The following RRBP1 variants were observed in gnomAD, a reference collection of about 807,000 sequenced individuals.
The protein encoded by RRBP1 is ribosome binding protein 1.
Under a neutral mutation model 165.2 loss-of-function variants are expected in RRBP1, and 94 were observed. The observed-to-expected ratio is 0.57, with a 90% CI of 0.48 to 0.68. The LOEUF (loss-of-function observed/expected upper bound fraction) is 0.68, where lower values mean the gene tolerates loss of function less well. RRBP1 is among the 30% of genes least tolerant of loss of function. The probability of loss-of-function intolerance (pLI) is 0.00; values close to 1 mark genes in which losing one functional copy is unlikely to be tolerated. For missense variants in RRBP1, 1,676 were observed against 1,763.0 expected, an observed-to-expected ratio of 0.95 and a Z score of 0.88; for synonymous variants, 680 against 714.5, an observed-to-expected ratio of 0.95 and a Z score of 0.77.
intron 8 of RRBP1, among the ~76,000 whole-genome samples, chr20:17,630,323 G>A (rs2036124127): frequency 6.6e-6 from 1 of 152,194 alleles, no homozygotes; most frequent in African/African-American, 2.4e-5. Flanking sequence ...TCCTCTCCCA[G>A]GGGCGGACAG....
At chr20:17,619,537 C>T (rs919947714) in intron 19 of RRBP1, 96 bp downstream of exon 19, 2 of 842,140 alleles carry the variant, frequency 2.4e-6, no homozygotes, top group African/African-American at 3.4e-5. Context: ...AGGCTTATGT[C>T]ACCGAGAGCT....
chr20:17,619,545 G>A (rs932626054), intron 19 of RRBP1, 88 bp downstream of exon 19: 3 of 921,494 alleles, frequency 3.3e-6, no homozygotes, highest in Non-Finnish European at 4.8e-6. Context: ...GTCACCGAGA[G>A]CTGCTCCCAC....
rs1328825621 is a variant in RRBP1 at position 17,643,924 on chromosome 20, A to G, written c.1913-797T>C. Among the ~76,000 whole-genome samples the G allele has an allele frequency of 1.3e-5, 2 of 152,174 alleles. No homozygotes were observed. Among genetic ancestry groups the G allele is most frequent in the Non-Finnish European group, 2.9e-5 (2 of 68,038 alleles). On this transcript the variant is annotated intron_variant, in intron 3 of 24. Coordinates refer to ENST00000377813, the MANE Select transcript of RRBP1 (RefSeq NM_001365613.2). The surrounding 1 kb of genome is among the most constrained non-coding windows in gnomAD (Gnocchi z 4.3). ...GGGGCTTGAATGCAGCCTCGGAAGC[A>G]AGAAAGGGTGAACCAAGATGCCACG...
chr20:17,627,707 A>G, intron 9 of RRBP1, 25 bp from the exon 10 acceptor site: 1 of 1,549,260 alleles, frequency 6.5e-7, no homozygotes, highest in Non-Finnish European at 8.7e-7. Context: ...GGGAAACGAG[A>G]AGTTAAGAGA....
intron 1 of RRBP1, among the ~76,000 whole-genome samples, chr20:17,681,092 CGGCCG>C (rs932164468): frequency 6.6e-6 from 1 of 151,676 alleles, no homozygotes; most frequent in African/African-American, 2.4e-5. Flanking sequence ...GCGGGAGAGC[CGGCCG>C]GGCCGGGGCG....
Position 17,621,912 on chromosome 20 carries a change from C to T in RRBP1, c.3183G>A (p.Ala1061=), listed in dbSNP as rs375100744. The T allele has an allele frequency of 1.5e-5, 25 of 1,613,574 alleles. No individual in the cohort carries two copies. The highest frequency in any genetic ancestry group is 2.7e-5 in the African/African-American group (2 of 74,872). Reference sequence around the variant, plus strand: ...GAGCCAGCAGGGCCTCCATGGTCTGCGCCTCAATCAGACAGAGCTGCTTCT... The same window carrying T: ...GAGCCAGCAGGGCCTCCATGGTCTGTGCCTCAATCAGACAGAGCTGCTTCT... ...ESEKQLCLIE[A]QTMEALLALL... Residue 1061 remains alanine (A), a synonymous_variant, in exon 14 of 25, where the codon GCG becomes GCA. Transcript: ENST00000377813.
At chr20:17,660,584 C>T in intron 2 of RRBP1, 56 bp from the exon 3 acceptor site, 1 of 1,022,026 alleles carries the variant, frequency 9.8e-7, no homozygotes, top group Non-Finnish European at 1.5e-6. Flanking sequence ...TCAACAGTTT[C>T]TATCCCCACC....
At chr20:17,635,275 C>T (rs1291394600) in intron 7 of RRBP1, among the ~76,000 whole-genome samples, 1 of 152,212 alleles carries the variant, frequency 6.6e-6, no homozygotes, top group African/African-American at 2.4e-5. Context: ...TCCCTAGTAC[C>T]AGTGCATCTG....
At chr20:17,650,683 G>A (rs2036539807) in intron 3 of RRBP1, among the ~76,000 whole-genome samples, 1 of 152,210 alleles carries the variant, frequency 6.6e-6, no homozygotes, top group South Asian at 2.1e-4. Context: ...TGGAGCTCAT[G>A]CTAACTGTGG....
At chr20:17,655,629 T>C (rs915512211) in intron 3 of RRBP1, among the ~76,000 whole-genome samples, 2 of 152,156 alleles carry the variant, frequency 1.3e-5, no homozygotes, top group African/African-American at 4.8e-5. Context: ...CCCCAGCCAC[T>C]CACCCACAGA....
intron 2 of RRBP1, among the ~76,000 whole-genome samples, chr20:17,662,443 C>T (rs559445525): frequency 5.1e-4 from 78 of 152,352 alleles, no homozygotes; most frequent in Non-Finnish European, 8.7e-4. Context: ...TTCTCCCACA[C>T]TGTCACTCGG....
chr20:17,638,460 G>A (rs1449613713), intron 5 of RRBP1, among the ~76,000 whole-genome samples: 1 of 152,100 alleles, frequency 6.6e-6, no homozygotes, highest in East Asian at 1.9e-4. Flanking sequence ...GGTCCACCCC[G>A]CTCAGGGTCT....
In RRBP1 at chr20:17,636,615, G is replaced by A. The variant is rs137981542; in HGVS notation, c.2299C>T (p.Arg767Trp). The change falls in exon 6 of 25, where the codon CGG becomes TGG. Residue 767 changes from arginine to tryptophan, a missense_variant. By Grantham distance (101) the Arg-to-Trp change is moderately radical. Transcript: ENST00000377813. ...AVQARMQASYREHVKEVQQLQ... is the reference protein window; with the variant it reads ...AVQARMQASYWEHVKEVQQLQ... ...TGCTGCACCTCCTTCACGTGCTCCC[G>A]GTAGCTGGCCTGCATGCGTGCCTGC... The A allele has an allele frequency of 5.7e-4, 915 of 1,612,516 alleles. No homozygotes were observed. The highest frequency in any genetic ancestry group is 7.1e-4 in the Non-Finnish European group (838 of 1,179,998).
chr20:17,658,675 A>T lies in RRBP1; in HGVS notation c.1833T>A (p.Asp611Glu), dbSNP rs759292016. Residue 611 changes from aspartate (D) to glutamate (E), a missense_variant, in exon 3 of 25, where the codon GAT becomes GAA. Coordinates refer to ENST00000377813, the MANE Select transcript of RRBP1 (RefSeq NM_001365613.2). ...TTGGTGCCTCTGGGCTCTGGGCCAC[A>T]TCTGTATTTCTGCCCTGGACAGAAG... is the stretch of plus-strand genomic sequence containing the variant. ...ESASVQGRNT[D>E]VAQSPEAPKQ... The T allele has an allele frequency of 8.7e-6, 14 of 1,613,990 alleles. No homozygotes were observed. The highest frequency in any genetic ancestry group is 1.1e-5 in the Non-Finnish European group (13 of 1,180,040).
At chr20:17,635,492 C>T in intron 7 of RRBP1, 54 bp downstream of exon 7, 1 of 1,370,960 alleles carries the variant, frequency 7.3e-7, no homozygotes, top group Non-Finnish European at 1.0e-6. Context: ...CTCGTGAAGC[C>T]TTCCTCGCTC....
At chr20:17,656,124 T>C (rs897064079) in intron 3 of RRBP1, among the ~76,000 whole-genome samples, 2 of 152,244 alleles carry the variant, frequency 1.3e-5, no homozygotes, top group African/African-American at 4.8e-5. Flanking sequence ...ACATCAACCA[T>C]GGGAAAACAG....
chr20:17,620,293 A>C lies in RRBP1; in HGVS notation c.3579+6T>G. 1 of 1,608,118 alleles carries C rather than the reference A, an allele frequency of 6.2e-7. No individual in the cohort carries two copies. The highest frequency in any genetic ancestry group is 8.5e-7 in the Non-Finnish European group (1 of 1,174,576). On this transcript the variant is annotated splice_donor_region_variant and intron_variant, in intron 18 of 24. Coordinates refer to ENST00000377813, the MANE Select transcript of RRBP1 (RefSeq NM_001365613.2). ...AGAGAAAGAGTTCTCTGAGCAGAGC[A>C]CATACCTGGTCCGAACTTTCAAGTT...
In RRBP1 at chr20:17,659,705, T is replaced by A; in HGVS notation, c.803A>T (p.Gln268Leu). Reference sequence around the variant, plus strand: ...TGGGGTTGTATCTACCTTTTTACCCTGGTTCTGGGCCCCCTCCGCCTTTTT... The same window carrying A: ...TGGGGTTGTATCTACCTTTTTACCCAGGTTCTGGGCCCCCTCCGCCTTTTT... Reference protein sequence around the residue: ...QGKKAEGAQNQGKKVDTTPNQ... With the variant: ...QGKKAEGAQNLGKKVDTTPNQ... Residue 268 changes from glutamine to leucine, a missense_variant, in exon 3 of 25, where the codon CAG (glutamine) becomes CTG (leucine). By Grantham distance (113) the Gln-to-Leu change is moderately radical. Coordinates refer to ENST00000377813, the MANE Select transcript of RRBP1 (RefSeq NM_001365613.2). The A allele has an allele frequency of 6.4e-7, 1 of 1,550,708 alleles. No homozygotes were observed. Among genetic ancestry groups the A allele is most frequent in the Non-Finnish European group, 8.7e-7 (1 of 1,147,022 alleles).
At chr20:17,664,645 C>G (rs2036835526) in intron 2 of RRBP1, among the ~76,000 whole-genome samples, 1 of 152,210 alleles carries the variant, frequency 6.6e-6, no homozygotes, top group Non-Finnish European at 1.5e-5. Context: ...CAGAAGATAT[C>G]TGCTAATTCA....
Sources: gnomAD v4.1 joint callset for allele counts (sites outside exome capture counted in the v4.1 genomes callset) on GRCh38, gnomAD v4.1.1 for gene constraint, Gnocchi (gnomAD v3.1) non-coding constraint, MANE v1.5 for transcripts, NCBI Gene and HGNC (gene_info 2026-07-23, HGNC 2026-07-21) for gene names.